TBC1D5: variants seen among roughly 807,000 people sequenced by gnomAD.
TBC1D5 encodes the protein TBC1 domain family, member 5.
In TBC1D5, 75 loss-of-function variants were observed where a neutral mutation model predicts 100.3. That is an observed-to-expected ratio of 0.75 (90% confidence interval 0.62 to 0.91). The LOEUF (loss-of-function observed/expected upper bound fraction) is 0.91. TBC1D5 is among the 40% of genes least tolerant of loss of function. The pLI, the probability that TBC1D5 is intolerant of heterozygous loss-of-function variation, is 0.00. For missense variants in TBC1D5, 910 were observed against 942.4 expected, an observed-to-expected ratio of 0.97 and a Z score of 0.45; for synonymous variants, 323 against 325.6, an observed-to-expected ratio of 0.99 and a Z score of 0.09.
chr3:17,716,663 T>C (rs979308145), intron 1 of TBC1D5, among the ~76,000 whole-genome samples: 1 of 152,208 alleles, frequency 6.6e-6, no homozygotes, highest in African/African-American at 2.4e-5. Flanking sequence ...ACTAGCTCAG[T>C]GTTAACAACT....
chr3:17,185,103 A>T lies in TBC1D5; in HGVS notation c.1852+6T>A. ...ATCGTTCCCAGGGCCAAAGTAATTC[A>T]CTTACCAAGATGAGTGTCCATCACC... On this transcript the variant is annotated splice_donor_region_variant and intron_variant, in intron 19 of 21. Transcript: ENST00000253692. 6.2e-7 allele frequency: 1 copy of T among 1,610,630 alleles called. No homozygotes were observed.
At chr3:17,382,732 G>T (rs908174893) in intron 9 of TBC1D5, among the ~76,000 whole-genome samples, 2 of 151,630 alleles carry the variant, frequency 1.3e-5, no homozygotes, top group African/African-American at 4.8e-5. Flanking sequence ...AGCTAATTTT[G>T]TGGTACTTTT....
At chr3:17,735,047 C>A (rs1316405454) in intron 1 of TBC1D5, among the ~76,000 whole-genome samples, 2 of 151,956 alleles carry the variant, frequency 1.3e-5, no homozygotes, top group Non-Finnish European at 2.9e-5. Flanking sequence ...GAGCTGTGAT[C>A]GTGCCACTGC....
intron 4 of TBC1D5, among the ~76,000 whole-genome samples, chr3:17,425,425 G>C (rs1214847226): frequency 6.6e-6 from 1 of 152,170 alleles, no homozygotes; most frequent in African/African-American, 2.4e-5. Context: ...CCAGGAGTTT[G>C]AGACCATCCC....
chr3:17,225,867 T>G (rs969545580), intron 17 of TBC1D5, among the ~76,000 whole-genome samples: 6 of 152,052 alleles, frequency 3.9e-5, no homozygotes, highest in Non-Finnish European at 5.9e-5. Flanking sequence ...ACAAACCCAG[T>G]ATAACATAGC....
At chr3:17,508,579 C>G in exon 3 of TBC1D5, 6 of 1,607,426 alleles carry the variant, frequency 3.7e-6, no homozygotes, top group Non-Finnish European at 5.1e-6. Context: ...ATTGTGGGAA[C>G]TGGACAGCGT....
chr3:17,528,702 T>C (rs770407098), intron 2 of TBC1D5, among the ~76,000 whole-genome samples: 1 of 152,188 alleles, frequency 6.6e-6, no homozygotes, highest in Non-Finnish European at 1.5e-5. Flanking sequence ...CCTCTTAATA[T>C]ATACTCTAGT....
chr3:17,734,438 T>C (rs2076803907), intron 1 of TBC1D5, among the ~76,000 whole-genome samples: 1 of 152,172 alleles, frequency 6.6e-6, no homozygotes, highest in Non-Finnish European at 1.5e-5. Context: ...TTTTGGACCC[T>C]CTACTTCATA....
intron 1 of TBC1D5, among the ~76,000 whole-genome samples, chr3:17,686,285 T>C (rs2070267196): frequency 6.6e-6 from 1 of 152,258 alleles, no homozygotes; most frequent in South Asian, 2.1e-4. Flanking sequence ...AGCCTTCATT[T>C]AACAAAGGTT....
At chr3:17,227,153 G>A (rs957101043) in intron 17 of TBC1D5, among the ~76,000 whole-genome samples, 1 of 152,110 alleles carries the variant, frequency 6.6e-6, no homozygotes, top group Non-Finnish European at 1.5e-5. Flanking sequence ...CTTTGTGTGC[G>A]CAAAAGGGGG....
intron 8 of TBC1D5, among the ~76,000 whole-genome samples, chr3:17,392,675 C>A (rs539040696): frequency 6.6e-6 from 1 of 152,104 alleles, no homozygotes; most frequent in African/African-American, 2.4e-5. Flanking sequence ...TCATCCATGT[C>A]CCTGCAAAGG....
chr3:17,248,432 G>C (rs142105028), intron 16 of TBC1D5, among the ~76,000 whole-genome samples: 2 of 152,166 alleles, frequency 1.3e-5, no homozygotes, highest in Non-Finnish European at 2.9e-5. Context: ...ATCCAGAATG[G>C]TAAATCCTTT....
chr3:17,541,662 T>A (rs1008808528), intron 2 of TBC1D5, among the ~76,000 whole-genome samples: 1 of 152,240 alleles, frequency 6.6e-6, no homozygotes, highest in Non-Finnish European at 1.5e-5. Flanking sequence ...ACTTCCTTTT[T>A]AATTTGGATG....
intron 8 of TBC1D5, among the ~76,000 whole-genome samples, chr3:17,384,539 A>C (rs985636462): frequency 6.6e-6 from 1 of 152,092 alleles, no homozygotes; most frequent in African/African-American, 2.4e-5. Context: ...GCAAGAACCC[A>C]AAGAGAAAAC....
intron 3 of TBC1D5, among the ~76,000 whole-genome samples, chr3:17,440,510 A>G (rs1312639164): frequency 1.3e-5 from 2 of 151,986 alleles, no homozygotes; most frequent in African/African-American, 4.8e-5. Flanking sequence ...CCAGCTACCT[A>G]GGGGACTGGG....
At chr3:17,287,859 T>A (rs1693696309) in intron 15 of TBC1D5, among the ~76,000 whole-genome samples, 1 of 152,204 alleles carries the variant, frequency 6.6e-6, no homozygotes, top group Non-Finnish European at 1.5e-5. Context: ...ACAATGAACC[T>A]ACTAAGGCTC....
chr3:17,334,846 TTTAA>T (rs2087453938), intron 13 of TBC1D5, among the ~76,000 whole-genome samples: 2 of 152,186 alleles, frequency 1.3e-5, no homozygotes, highest in Admixed American at 1.3e-4. Flanking sequence ...TTGAGAACTT[TTTAA>T]TTCTTTCCAA....
chr3:17,740,469 C>T (rs532591353), exon 1 of TBC1D5: 7 of 152,124 alleles, frequency 4.6e-5, no homozygotes, highest in Admixed American at 4.6e-4. Flanking sequence ...TAAAAACTTC[C>T]ACAAAGTTAT....
chr3:17,581,848 T>C (rs2096699662), intron 2 of TBC1D5, among the ~76,000 whole-genome samples: 1 of 152,200 alleles, frequency 6.6e-6, no homozygotes, highest in Admixed American at 6.5e-5. Context: ...ACATCTCTAC[T>C]ACTCTCTACT....
Sources: allele counts gnomAD v4.1 joint callset (sites outside exome capture counted in the v4.1 genomes callset), GRCh38; gene constraint gnomAD v4.1.1; transcripts MANE v1.5; gene names NCBI Gene and HGNC (gene_info 2026-07-23, HGNC 2026-07-21).